SLC24A2: variants seen among roughly 807,000 people sequenced by gnomAD.
The protein encoded by SLC24A2 is sodium/potassium/calcium exchanger 2.
In SLC24A2, 36 loss-of-function variants were observed where a neutral mutation model predicts 62.0. That is an observed-to-expected ratio of 0.58 (90% confidence interval 0.44 to 0.77). The LOEUF (loss-of-function observed/expected upper bound fraction) is 0.77. Ranked by LOEUF, SLC24A2 falls within the 30% of genes least tolerant of loss-of-function variation. The pLI, the probability that SLC24A2 is intolerant of heterozygous loss-of-function variation, is 0.00. For synonymous variants in SLC24A2, 358 were observed against 294.0 expected (o/e 1.22, Z -2.23); for missense variants, 846 against 817.9 (o/e 1.03, Z -0.42).
At chr9:19,547,276 G>C (rs1441175559) in intron 8 of SLC24A2, among the ~76,000 whole-genome samples, 1 of 152,160 alleles carries the variant, frequency 6.6e-6, no homozygotes, top group African/African-American at 2.4e-5. Context: ...GCTAGCACTT[G>C]GGGGAGCAAT....
chr9:20,065,082 A>T, the SLC24A2 span, among the ~76,000 whole-genome samples: 1 of 152,188 alleles, frequency 6.6e-6, no homozygotes, highest in Non-Finnish European at 1.5e-5. Flanking sequence ...GTATTCTCAA[A>T]CCCCAAACAT....
chr9:20,130,901 A>G, the SLC24A2 span, among the ~76,000 whole-genome samples: 1 of 152,214 alleles, frequency 6.6e-6, no homozygotes, highest in Non-Finnish European at 1.5e-5. Context: ...TTTGGACATC[A>G]CATAGGATAC....
chr9:20,110,534 A>G, the SLC24A2 span, among the ~76,000 whole-genome samples: 1 of 152,058 alleles, frequency 6.6e-6, no homozygotes, highest in Non-Finnish European at 1.5e-5. Flanking sequence ...TAATCATATT[A>G]CAGTTTTACC....
chr9:19,850,967 G>GTATATATATATA, the SLC24A2 span, among the ~76,000 whole-genome samples: 2 of 18,184 alleles, frequency 1.1e-4, no homozygotes, highest in South Asian at 2.3e-3. Flanking sequence ...ATATATATAT[G>GTATATATATATA]TATATATATA....
At chr9:20,161,853 T>A in the SLC24A2 span, among the ~76,000 whole-genome samples, 1 of 151,388 alleles carries the variant, frequency 6.6e-6, no homozygotes, top group Non-Finnish European at 1.5e-5. Flanking sequence ...TATGCTACAT[T>A]CCCAATAGGA....
At chr9:20,123,941 C>A in the SLC24A2 span, among the ~76,000 whole-genome samples, 1 of 152,148 alleles carries the variant, frequency 6.6e-6, no homozygotes, top group African/African-American at 2.4e-5. Flanking sequence ...TTTGAAAATA[C>A]TATACCTAAC....
the SLC24A2 span, among the ~76,000 whole-genome samples, chr9:20,208,519 T>C: frequency 6.6e-6 from 1 of 152,252 alleles, no homozygotes; most frequent in African/African-American, 2.4e-5. Flanking sequence ...TCTTCAGATG[T>C]ATTTCTCCAT....
chr9:19,535,477 C>T lies in SLC24A2; in HGVS notation c.1480-7339G>A, dbSNP rs150111689. On this transcript the variant is annotated intron_variant, in intron 8 of 10. Transcript: ENST00000341998. ...CCTAGGTTTTCTTCTAGGATTTTTA[C>T]GGTTTTAGGTCTTAAGGTGGAGTCT... Among the ~76,000 whole-genome samples, 1,432 of 152,098 alleles carry T rather than the reference C, an allele frequency of 9.4e-3. 13 individuals are homozygous for T. The highest frequency in any genetic ancestry group is 0.031 in the South Asian group (148 of 4,820).
chr9:19,823,296 ATTGT>A, the SLC24A2 span, among the ~76,000 whole-genome samples: 6 of 68,362 alleles, frequency 8.8e-5, no homozygotes, highest in Non-Finnish European at 2.1e-4. Context: ...CTGTATTAAC[ATTGT>A]GTGTGTGTGT....
the SLC24A2 span, among the ~76,000 whole-genome samples, chr9:20,017,944 C>A: frequency 6.6e-6 from 1 of 152,238 alleles, no homozygotes; most frequent in Admixed American, 6.5e-5. Context: ...AGGAACAATA[C>A]TTTGCATCCT....
chr9:19,709,940 A>C (rs1820664764), intron 2 of SLC24A2, among the ~76,000 whole-genome samples: 1 of 152,138 alleles, frequency 6.6e-6, no homozygotes, highest in African/African-American at 2.4e-5. Flanking sequence ...AAGGACCTTG[A>C]AGATGAGAGC....
the SLC24A2 span, among the ~76,000 whole-genome samples, chr9:19,881,995 A>G: frequency 6.6e-6 from 1 of 152,204 alleles, no homozygotes; most frequent in African/African-American, 2.4e-5. Context: ...TGCCTATTCC[A>G]TAATTCATTT....
chr9:20,275,074 C>G, the SLC24A2 span, among the ~76,000 whole-genome samples: 2 of 151,612 alleles, frequency 1.3e-5, no homozygotes, highest in Non-Finnish European at 2.9e-5. Flanking sequence ...TGCGACCCAG[C>G]AGGAAGAGAT....
the SLC24A2 span, among the ~76,000 whole-genome samples, chr9:19,967,061 C>A: frequency 4.6e-5 from 7 of 152,064 alleles, no homozygotes; most frequent in South Asian, 1.5e-3. Flanking sequence ...TTTACTGCAC[C>A]CATGTGTAAA....
the SLC24A2 span, among the ~76,000 whole-genome samples, chr9:19,986,025 A>G: frequency 2.0e-5 from 3 of 152,186 alleles, no homozygotes; most frequent in Non-Finnish European, 2.9e-5. Flanking sequence ...TAAATCATAT[A>G]TCTGATAAGG....
chr9:19,824,489 A>C, the SLC24A2 span, among the ~76,000 whole-genome samples: 1 of 152,262 alleles, frequency 6.6e-6, no homozygotes, highest in African/African-American at 2.4e-5. Context: ...CATGTCAGTT[A>C]GAATGGCAAT....
chr9:19,987,994 G>T, the SLC24A2 span, among the ~76,000 whole-genome samples: 1 of 152,192 alleles, frequency 6.6e-6, no homozygotes, highest in African/African-American at 2.4e-5. Context: ...TTTTGTAAAA[G>T]TATGCTAAAG....
intron 2 of SLC24A2, among the ~76,000 whole-genome samples, chr9:19,701,694 G>C (rs1820360690): frequency 6.6e-6 from 1 of 152,194 alleles, no homozygotes; most frequent in Non-Finnish European, 1.5e-5. Flanking sequence ...ACTGTGGTCA[G>C]CTTATTCTTT....
chr9:19,960,039 T>A, the SLC24A2 span, among the ~76,000 whole-genome samples: 7 of 152,172 alleles, frequency 4.6e-5, no homozygotes, highest in African/African-American at 1.7e-4. Context: ...TTTTCTAAAT[T>A]GCAAAGGCCT....
Sources: allele counts gnomAD v4.1 joint callset (sites outside exome capture counted in the v4.1 genomes callset), GRCh38; gene constraint gnomAD v4.1.1; transcripts MANE v1.5; gene names NCBI Gene and HGNC (gene_info 2026-07-23, HGNC 2026-07-21).